The following EP300 variants were observed in gnomAD, a reference collection of about 807,000 sequenced individuals.
The protein encoded by EP300 is histone acetyltransferase p300.
In EP300, 31 loss-of-function variants were observed where a neutral mutation model predicts 264.0. The observed-to-expected ratio is 0.12, with a 90% CI of 0.09 to 0.16. The LOEUF (loss-of-function observed/expected upper bound fraction) is 0.16. Among genes scored for constraint, EP300 ranks in the 10% least tolerant of loss-of-function variants. The probability of loss-of-function intolerance (pLI) is 1.00; values close to 1 mark genes in which losing one functional copy is unlikely to be tolerated. For synonymous variants in EP300, 1,340 were observed against 1,045.4 expected, an observed-to-expected ratio of 1.28 and a Z score of -5.44; for missense variants, 2,766 against 3,052.9, an observed-to-expected ratio of 0.91 and a Z score of 2.21.
intron 20 of EP300, among the ~76,000 whole-genome samples, chr22:41,161,728 T>C (rs2059109603): frequency 6.6e-6 from 1 of 152,234 alleles, no homozygotes; most frequent in Non-Finnish European, 1.5e-5. Context: ...TTTAATATTA[T>C]TGAAAGTTCA....
In EP300 at chr22:41,173,658, G is replaced by C; in HGVS notation, c.4653G>C (p.Lys1551Asn). Reference sequence around the variant, plus strand: ...GAGACAGCAAAAATGCTAAAAAGAAGAATAATAAGAAAACCAGCAAAAATA... The same window carrying C: ...GAGACAGCAAAAATGCTAAAAAGAACAATAATAAGAAAACCAGCAAAAATA... ...TKGDSKNAKKKNNKKTSKNKS... is the reference protein window; with the variant it reads ...TKGDSKNAKKNNNKKTSKNKS... The change falls in exon 29 of 31, where the codon AAG (lysine) becomes AAC (asparagine). Residue 1551 changes from lysine (K) to asparagine (N), a missense_variant. Physicochemically the swap from Lys to Asn is moderately conservative, Grantham distance 94. Transcript: ENST00000263253. The C allele has an allele frequency of 6.2e-7, 1 of 1,614,130 alleles. No homozygotes were observed. The highest frequency in any genetic ancestry group is 8.5e-7 in the Non-Finnish European group (1 of 1,180,010).
chr22:41,094,315 C>G (rs1226219374), intron 1 of EP300, among the ~76,000 whole-genome samples: 3 of 152,148 alleles, frequency 2.0e-5, no homozygotes, highest in African/African-American at 7.2e-5. Context: ...TAAATGTACC[C>G]TTTGAGTTTG....
At chr22:41,174,213 T>A (rs1234595403) in intron 29 of EP300, among the ~76,000 whole-genome samples, 1 of 151,724 alleles carries the variant, frequency 6.6e-6, no homozygotes, top group Non-Finnish European at 1.5e-5. Context: ...GGCGGATCAC[T>A]TGAGGTCAGG....
chr22:41,135,680 A>G lies in EP300; in HGVS notation c.1529-133A>G, dbSNP rs2058946520. ...AGCCTTTACATATGTGTTGCCAGTTATATTGTCAATTATTTATTGTATATG... is the reference window on the plus strand; with the variant it reads ...AGCCTTTACATATGTGTTGCCAGTTGTATTGTCAATTATTTATTGTATATG... On this transcript the variant is annotated intron_variant, in intron 6 of 30. Coordinates refer to ENST00000263253, the MANE Select transcript of EP300 (RefSeq NM_001429.4). 5 of 700,536 alleles carry G rather than the reference A, an allele frequency of 7.1e-6. No individual in the cohort carries two copies. The East Asian group carries it at 1.1e-4, about 15-fold the overall frequency. 43.4% of individuals were successfully genotyped at this position (700,536 alleles called of 1,614,324 possible). A position where few individuals can be genotyped will look rare whatever the true frequency, so the allele number is the denominator to read the frequency against.
Position 41,126,026 on chromosome 22 carries a change from G to A in EP300, c.892G>A (p.Gly298Arg), listed in dbSNP as rs755143118. ...AMDKKAVPGG[G>R]MPNMGQQPAP... ...GGACAAAAAGGCAGTTCCTGGTGGA[G>A]GAATGCCCAACATGGTGAGTACTAA... Residue 298 changes from glycine to arginine, a missense_variant, in exon 3 of 31, where the codon GGA (glycine) becomes AGA (arginine). By Grantham distance (125) the Gly-to-Arg change is moderately radical. Coordinates refer to ENST00000263253, the MANE Select transcript of EP300 (RefSeq NM_001429.4). 1.9e-6 allele frequency: 3 copies of A among 1,614,132 alleles called. No individual in the cohort carries two copies. The Admixed American group carries it at 5.0e-5, about 27-fold the overall frequency.
At chr22:41,163,843 G>A (rs1601629136) in intron 21 of EP300, among the ~76,000 whole-genome samples, 1 of 152,318 alleles carries the variant, frequency 6.6e-6, no homozygotes, top group Admixed American at 6.5e-5. Context: ...GAGCCCAGGA[G>A]TTTAAGGTTG....
chr22:41,135,820 T>G lies in EP300; in HGVS notation c.1536T>G (p.Ser512Arg). Reference protein sequence around the residue: ...GMRPMSNMSASPMGVNGGVGV... With the variant: ...GMRPMSNMSARPMGVNGGVGV... ...TATTTCATTTTGACTTAGGTGCTAGTCCTATGGGAGTAAATGGAGGTGTAG... is the reference window on the plus strand; with the variant it reads ...TATTTCATTTTGACTTAGGTGCTAGGCCTATGGGAGTAAATGGAGGTGTAG... Residue 512 changes from serine (S) to arginine (R), a missense_variant, in exon 7 of 31, where the codon AGT becomes AGG. Coordinates refer to ENST00000263253, the MANE Select transcript of EP300 (RefSeq NM_001429.4). 1 of 1,612,722 alleles carries G rather than the reference T, an allele frequency of 6.2e-7. No individual in the cohort carries two copies. The highest frequency in any genetic ancestry group is 8.5e-7 in the Non-Finnish European group (1 of 1,178,704).
In EP300 at chr22:41,099,423, A is replaced by G. The variant is rs552535955; in HGVS notation, c.94+6325A>G. On this transcript the variant is annotated intron_variant, in intron 1 of 30. Transcript: ENST00000263253. ...CCAGTGGATACCTGAAACCCTGTATAGTAGTGAATATAATTGTCATCAGTC... is the reference window on the plus strand; with the variant it reads ...CCAGTGGATACCTGAAACCCTGTATGGTAGTGAATATAATTGTCATCAGTC... Among the ~76,000 whole-genome samples, 24 of 151,750 alleles carry G rather than the reference A, an allele frequency of 1.6e-4. 1 individual carries two copies. The highest frequency in any genetic ancestry group is 1.3e-3 in the Admixed American group (19 of 15,102).
rs1251981985 is a variant in EP300 at position 41,179,529 on chromosome 22, TGTTTAAAAAA to T, written c.*574_*583del. The T allele has an allele frequency of 5.9e-6, 1 of 170,180 alleles. No homozygotes were observed. The highest frequency in any genetic ancestry group is 8.7e-5 in the East Asian group (1 of 11,500). The allele number at this position is 170,180 out of a possible 1,614,324, so 10.5% of individuals were successfully genotyped here. On this transcript the variant is annotated 3_prime_UTR_variant, in exon 31 of 31. Coordinates refer to ENST00000263253, the MANE Select transcript of EP300 (RefSeq NM_001429.4). ...CAAAGATGTTCATTCTTTTAAAAAA[TGTTTAAAAAA>T]AAAAAAAAACTGCCTTTCTTCCCCT...
rs910758868 is a variant in EP300, at chr22:41,173,739, C to T, written c.4734C>T (p.Asn1578=). Residue 1578 remains asparagine, a synonymous_variant, in exon 29 of 31, where the codon AAC becomes AAT. Coordinates refer to ENST00000263253, the MANE Select transcript of EP300 (RefSeq NM_001429.4). ...AACCCGGGATGCCCAATGTATCTAA[C>T]GACCTCTCACAGAAACTATATGCCA... ...KKKPGMPNVS[N]DLSQKLYATM... is the part of the protein sequence containing the mutation. 1.4e-5 allele frequency: 23 copies of T among 1,614,042 alleles called. No homozygotes were observed. Among genetic ancestry groups the T allele is most frequent in the South Asian group, 2.2e-5 (2 of 91,082 alleles).
chr22:41,111,070 A>G (rs1442447155), intron 1 of EP300, among the ~76,000 whole-genome samples: 1 of 151,296 alleles, frequency 6.6e-6, no homozygotes, highest in Non-Finnish European at 1.5e-5. Context: ...GATGCAAGCG[A>G]TTCTCGTGCC....
chr22:41,132,728 C>T (rs1243399959), intron 6 of EP300, among the ~76,000 whole-genome samples: 1 of 152,168 alleles, frequency 6.6e-6, no homozygotes, highest in Non-Finnish European at 1.5e-5. Context: ...TTCCTCATGT[C>T]TGGCAGGAGG....
intron 22 of EP300, among the ~76,000 whole-genome samples, chr22:41,165,755 T>C (rs1398067544): frequency 1.3e-5 from 2 of 151,802 alleles, no homozygotes; most frequent in East Asian, 1.9e-4. Flanking sequence ...TAATTTTTAA[T>C]TTTTGTATTT....
intron 2 of EP300, 132 bp downstream of exon 2, chr22:41,117,953 T>G: frequency 7.1e-7 from 1 of 1,414,088 alleles, no homozygotes; most frequent in Non-Finnish European, 9.7e-7. Flanking sequence ...CTGTCATAAG[T>G]TTTAAGAAGT....
At chr22:41,176,699 C>T in intron 30 of EP300, 74 bp from the exon 31 acceptor site, 1 of 1,613,078 alleles carries the variant, frequency 6.2e-7, no homozygotes, top group Non-Finnish European at 8.5e-7. Flanking sequence ...TTTTCTAGCC[C>T]AAACAATATC....
chr22:41,178,730 T>TTTCCCCACAGACAAG lies in EP300; in HGVS notation c.7029_7043dup (p.Gln2343_Pro2347dup). The TTTCCCCACAGACAAG allele has an allele frequency of 1.2e-6, 2 of 1,613,980 alleles. No homozygotes were observed. Among genetic ancestry groups the TTTCCCCACAGACAAG allele is most frequent in the Non-Finnish European group, 1.7e-6 (2 of 1,179,972 alleles). ...CAGCCTCAGCCTTCTCCACACCACG[T>TTTCCCCACAGACAAG]TTCCCCACAGACAAGTTCCCCACAT... On this transcript the variant is annotated inframe_insertion, in exon 31 of 31. Transcript: ENST00000263253.
At position 41,102,556 on chromosome 22, in the gene EP300, T is replaced by A. The variant is rs367619568; in HGVS notation, c.94+9458T>A. ...ATGGAGGGCTTATAATACAGGAATTTAGACTTTCCATTTTACCCATTTAAT... is the reference window on the plus strand; with the variant it reads ...ATGGAGGGCTTATAATACAGGAATTAAGACTTTCCATTTTACCCATTTAAT... On this transcript the variant is annotated intron_variant, in intron 1 of 30. Transcript: ENST00000263253. Among the ~76,000 whole-genome samples, 41 of 152,278 alleles carry A rather than the reference T, an allele frequency of 2.7e-4. No homozygotes were observed. In the South Asian group the frequency reaches 8.1e-3, roughly 30 times the overall value.
intron 4 of EP300, among the ~76,000 whole-genome samples, chr22:41,129,655 C>T (rs952101322): frequency 4.6e-5 from 7 of 152,170 alleles, no homozygotes; most frequent in Non-Finnish European, 1.0e-4. Context: ...AGCCAGACTG[C>T]TTGAGGTTGA....
At chr22:41,115,437 G>T (rs1226650468) in intron 1 of EP300, among the ~76,000 whole-genome samples, 1 of 152,138 alleles carries the variant, frequency 6.6e-6, no homozygotes, top group African/African-American at 2.4e-5. Flanking sequence ...ACCCAGTTTT[G>T]TTTGTTCTTT....
Sources: allele counts gnomAD v4.1 joint callset (sites outside exome capture counted in the v4.1 genomes callset), GRCh38; gene constraint gnomAD v4.1.1; transcripts MANE v1.5; gene names NCBI Gene and HGNC (gene_info 2026-07-23, HGNC 2026-07-21).